The following GPR158 variants were observed in gnomAD, a reference collection of about 807,000 sequenced individuals.
GPR158 encodes metabotropic glycine receptor.
Under a neutral mutation model 78.2 loss-of-function variants are expected in GPR158, and 30 were observed. That is an observed-to-expected ratio of 0.38 (90% confidence interval 0.29 to 0.52). GPR158 has a LOEUF of 0.52. Ranked by LOEUF, GPR158 falls within the 20% of genes least tolerant of loss-of-function variation. The pLI is 0.83. For synonymous variants in GPR158, 581 were observed against 591.1 expected (o/e 0.98, Z 0.25); for missense variants, 1,463 against 1,523.5 (o/e 0.96, Z 0.66).
intron 1 of GPR158, among the ~76,000 whole-genome samples, chr10:25,215,987 C>T (rs1564393572): frequency 6.6e-6 from 1 of 152,222 alleles, no homozygotes. Context: ...AACTTTCTAC[C>T]TACTATATAA....
At chr10:25,433,690 C>T (rs550145326) in intron 4 of GPR158, among the ~76,000 whole-genome samples, 13 of 93,264 alleles carry the variant, frequency 1.4e-4, no homozygotes, top group South Asian at 3.3e-4. Flanking sequence ...TTCTTTCTTT[C>T]TTTCTTTTTT....
At chr10:25,568,593 C>A (rs1836963428) in intron 6 of GPR158, among the ~76,000 whole-genome samples, 1 of 152,088 alleles carries the variant, frequency 6.6e-6, no homozygotes, top group Admixed American at 6.6e-5. Context: ...TCATGGATAA[C>A]CCAAGTACAA....
intron 7 of GPR158, among the ~76,000 whole-genome samples, chr10:25,576,557 A>G (rs1432933452): frequency 3.3e-5 from 5 of 152,216 alleles, no homozygotes; most frequent in Non-Finnish European, 4.4e-5. Context: ...GAAAGAGGAC[A>G]TAGAGAGTAA....
chr10:25,239,373 G>C (rs1226950988), intron 2 of GPR158, among the ~76,000 whole-genome samples: 1 of 152,010 alleles, frequency 6.6e-6, no homozygotes, highest in African/African-American at 2.4e-5. Context: ...ACCCGAGGCA[G>C]GCAGATCTCC....
chr10:25,321,143 T>C (rs1182637977), intron 2 of GPR158, among the ~76,000 whole-genome samples: 2 of 152,190 alleles, frequency 1.3e-5, no homozygotes. Flanking sequence ...AATTAGAAAG[T>C]CATAACAGAC....
chr10:25,517,440 G>C (rs959376124), intron 5 of GPR158, among the ~76,000 whole-genome samples: 10 of 152,028 alleles, frequency 6.6e-5, no homozygotes, highest in Non-Finnish European at 1.3e-4. Context: ...GGGCATCCCT[G>C]TCTTGTGCCA....
chr10:25,240,786 ATATC>A (rs1201373319), intron 2 of GPR158, among the ~76,000 whole-genome samples: 2 of 152,220 alleles, frequency 1.3e-5, no homozygotes, highest in Non-Finnish European at 2.9e-5. Flanking sequence ...CAATCAGTAA[ATATC>A]TATCAATTGG....
chr10:25,379,186 T>A (rs144529131), intron 2 of GPR158, among the ~76,000 whole-genome samples: 3 of 152,296 alleles, frequency 2.0e-5, no homozygotes, highest in African/African-American at 7.2e-5. Context: ...CAATATTAAT[T>A]TAGATTTACT....
intron 2 of GPR158, among the ~76,000 whole-genome samples, chr10:25,254,493 A>G (rs1853866551): frequency 6.6e-6 from 1 of 152,336 alleles, no homozygotes; most frequent in East Asian, 1.9e-4. Flanking sequence ...ATTTTCTTTA[A>G]TAATTTCCGT....
intron 2 of GPR158, among the ~76,000 whole-genome samples, chr10:25,343,936 T>G (rs1254342782): frequency 6.6e-6 from 1 of 151,992 alleles, no homozygotes; most frequent in African/African-American, 2.4e-5. Flanking sequence ...TTTAAGATCA[T>G]TAGGCATATT....
At chr10:25,489,094 G>C (rs528425579) in intron 5 of GPR158, among the ~76,000 whole-genome samples, 1 of 152,080 alleles carries the variant, frequency 6.6e-6, no homozygotes, top group East Asian at 1.9e-4. Flanking sequence ...ACAAAAACTT[G>C]TTGGCCTGAA....
At chr10:25,193,408 T>C (rs1852800268) in intron 1 of GPR158, among the ~76,000 whole-genome samples, 1 of 152,028 alleles carries the variant, frequency 6.6e-6, no homozygotes, top group Non-Finnish European at 1.5e-5. Context: ...GCTGAGGTCA[T>C]CACATTCCAG....
At chr10:25,444,380 A>G (rs1335878414) in intron 4 of GPR158, among the ~76,000 whole-genome samples, 1 of 149,916 alleles carries the variant, frequency 6.7e-6, no homozygotes, top group Non-Finnish European at 1.5e-5. Flanking sequence ...TGTGTGTGGT[A>G]GGTGTGTATG....
At chr10:25,242,459 G>T (rs1199356026) in intron 2 of GPR158, among the ~76,000 whole-genome samples, 1 of 152,220 alleles carries the variant, frequency 6.6e-6, no homozygotes, top group East Asian at 1.9e-4. Flanking sequence ...TTGAAAGTCA[G>T]ATTTGTCCAT....
intron 1 of GPR158, among the ~76,000 whole-genome samples, chr10:25,189,893 A>G (rs1588726079): frequency 6.8e-6 from 1 of 147,532 alleles, no homozygotes; most frequent in East Asian, 2.0e-4. Context: ...TACCTGGAAG[A>G]ACAGAAAGAG....
chr10:25,270,346 G>A (rs2130742252), intron 2 of GPR158, among the ~76,000 whole-genome samples: 1 of 152,094 alleles, frequency 6.6e-6, no homozygotes, highest in East Asian at 1.9e-4. Flanking sequence ...TTCCTCCGAT[G>A]TGCAGGGGAA....
At chr10:25,350,538 T>C (rs1309271199) in intron 2 of GPR158, among the ~76,000 whole-genome samples, 2 of 152,034 alleles carry the variant, frequency 1.3e-5, no homozygotes, top group Non-Finnish European at 2.9e-5. Context: ...CTTAGCCCCG[T>C]TGGTCAGTTT....
At chr10:25,546,434 C>T (rs1007524937) in intron 5 of GPR158, among the ~76,000 whole-genome samples, 4 of 152,124 alleles carry the variant, frequency 2.6e-5, no homozygotes, top group African/African-American at 9.7e-5. Flanking sequence ...TCCTCCAGGT[C>T]ACCCAGGCTT....
intron 1 of GPR158, among the ~76,000 whole-genome samples, chr10:25,210,838 A>AATTCC (rs1373942916): frequency 6.6e-6 from 1 of 151,708 alleles, no homozygotes; most frequent in African/African-American, 2.4e-5. Flanking sequence ...TCCTCCCTGG[A>AATTCC]AAACCAGAAT....
Sources: allele counts gnomAD v4.1 joint callset (sites outside exome capture counted in the v4.1 genomes callset), GRCh38; gene constraint gnomAD v4.1.1; transcripts MANE v1.5; gene names NCBI Gene and HGNC (gene_info 2026-07-23, HGNC 2026-07-21).